PPP1R12B: variants seen among roughly 807,000 people sequenced by gnomAD.
The protein encoded by PPP1R12B is myosin phosphatase target subunit 2.
A neutral mutation model predicts 126.1 loss-of-function variants in PPP1R12B; 76 were observed. That is an observed-to-expected ratio of 0.60 (90% CI 0.50 to 0.73). The LOEUF (loss-of-function observed/expected upper bound fraction) is 0.73, where lower values mean the gene tolerates loss of function less well. PPP1R12B is among the 30% of genes least tolerant of loss of function. PPP1R12B has a pLI of 0.00. For synonymous variants in PPP1R12B, 356 were observed against 434.7 expected (o/e 0.82, Z 2.25); for missense variants, 1,052 against 1,205.1 (o/e 0.87, Z 1.88).
chr1:202,405,960 G>A (rs1404083038), intron 1 of PPP1R12B, among the ~76,000 whole-genome samples: 1 of 152,156 alleles, frequency 6.6e-6, no homozygotes, highest in African/African-American at 2.4e-5. Flanking sequence ...ATAATATTTG[G>A]TGTGCTGATT....
intron 18 of PPP1R12B, among the ~76,000 whole-genome samples, chr1:202,531,761 G>T (rs1024558242): frequency 1.3e-5 from 2 of 152,078 alleles, no homozygotes; most frequent in Non-Finnish European, 2.9e-5. Flanking sequence ...CCAAAAAATT[G>T]ATTTGAGGAC....
chr1:202,480,913 C>T (rs1435133739), intron 13 of PPP1R12B, among the ~76,000 whole-genome samples: 2 of 152,148 alleles, frequency 1.3e-5, no homozygotes, highest in Admixed American at 6.5e-5. Flanking sequence ...GAGCAGTGTT[C>T]CCCAACCTTT....
Position 202,584,349 on chromosome 1 carries a change from TTTCCC to T in PPP1R12B, c.*3795_*3799del, listed in dbSNP as rs1305209015. ...TCTCTCTTTTGCAACATTTTACCCATTTCCCTTCCCCAAACCATGTGCTTATTAGA... is the reference window on the plus strand; with the variant it reads ...TCTCTCTTTTGCAACATTTTACCCATTTCCCCAAACCATGTGCTTATTAGA... On this transcript the variant is annotated 3_prime_UTR_variant, in exon 24 of 24. Transcript: ENST00000608999. 1 of 152,236 alleles carries T rather than the reference TTTCCC, an allele frequency of 6.6e-6. No homozygotes were observed. The highest frequency in any genetic ancestry group is 1.9e-4 in the East Asian group (1 of 5,202). The allele number at this position is 152,236 out of a possible 1,614,324, so 9.4% of individuals were successfully genotyped here. A position where few individuals can be genotyped will look rare whatever the true frequency, so the allele number is the denominator to read the frequency against.
intron 18 of PPP1R12B, chr1:202,502,002 A>G (rs1200709664): frequency 1.0e-6 from 1 of 985,540 alleles, no homozygotes; most frequent in East Asian, 1.1e-4. Context: ...TGTCCTTGAC[A>G]TAGGTGGGTA....
intron 1 of PPP1R12B, among the ~76,000 whole-genome samples, chr1:202,400,360 G>T (rs1665644627): frequency 6.6e-6 from 1 of 152,182 alleles, no homozygotes; most frequent in African/African-American, 2.4e-5. Flanking sequence ...TGCATACAAG[G>T]AGTCTTGCTG....
At chr1:202,575,434 C>T (rs1218907478) in intron 23 of PPP1R12B, 7 of 347,994 alleles carry the variant, frequency 2.0e-5, no homozygotes, top group Non-Finnish European at 3.2e-5. Context: ...TGAATTTGTT[C>T]ACTCAGCTAC....
At chr1:202,440,629 C>G (rs1671481079) in intron 10 of PPP1R12B, 77 bp from the exon 11 acceptor site, 2 of 1,078,220 alleles carry the variant, frequency 1.9e-6, no homozygotes, top group African/African-American at 1.6e-5. Context: ...ATATTAAGTT[C>G]TGCTTTTTTA....
chr1:202,442,439 TTCTACAGAGAA>T lies in PPP1R12B; in HGVS notation c.1542-5_1547del, dbSNP rs1466762292. 1 of 1,609,138 alleles carries T rather than the reference TTCTACAGAGAA, an allele frequency of 6.2e-7. No individual in the cohort carries two copies. The highest frequency in any genetic ancestry group is 1.3e-5 in the African/African-American group (1 of 74,660). ...TCAGTGTTTTGTTTTCCTTTCATGC[TTCTACAGAGAA>T]TCAGCTGTTAATCTAGTGAGGAGTG... On this transcript the variant is annotated splice_acceptor_variant and splice_polypyrimidine_tract_variant and coding_sequence_variant and intron_variant, in exon 12 of 24. Transcript: ENST00000608999. LOFTEE classifies it high-confidence loss of function.
chr1:202,350,681 C>T (rs1300047894), intron 1 of PPP1R12B, among the ~76,000 whole-genome samples: 1 of 150,500 alleles, frequency 6.6e-6, no homozygotes, highest in Non-Finnish European at 1.5e-5. Context: ...AGTGCAATGG[C>T]GAGATCTTGG....
At chr1:202,436,202 G>A (rs910032968) in intron 9 of PPP1R12B, among the ~76,000 whole-genome samples, 3 of 152,204 alleles carry the variant, frequency 2.0e-5, no homozygotes, top group East Asian at 1.9e-4. Flanking sequence ...GGAGGTCAAG[G>A]CTGTAGTGAG....
chr1:202,512,184 C>T (rs946028679), intron 18 of PPP1R12B, among the ~76,000 whole-genome samples: 20 of 152,202 alleles, frequency 1.3e-4, no homozygotes, highest in African/African-American at 4.3e-4. Flanking sequence ...TTCCATGATA[C>T]ATATACAGAC....
intron 18 of PPP1R12B, among the ~76,000 whole-genome samples, chr1:202,507,913 G>A (rs1454490379): frequency 6.6e-6 from 1 of 152,176 alleles, no homozygotes; most frequent in Non-Finnish European, 1.5e-5. Flanking sequence ...CCATGATTGA[G>A]GTAGAAAGCT....
At chr1:202,389,174 C>G (rs533405219) in intron 1 of PPP1R12B, among the ~76,000 whole-genome samples, 1 of 152,072 alleles carries the variant, frequency 6.6e-6, no homozygotes, top group African/African-American at 2.4e-5. Flanking sequence ...ATTTTTATAA[C>G]TAGGAAGCAA....
intron 8 of PPP1R12B, among the ~76,000 whole-genome samples, chr1:202,433,596 A>T (rs901707551): frequency 1.3e-5 from 2 of 152,212 alleles, no homozygotes; most frequent in Admixed American, 1.3e-4. Context: ...TGGACTGCTT[A>T]ATTTCCTCAA....
At chr1:202,504,480 T>C (rs1437912459) in intron 18 of PPP1R12B, among the ~76,000 whole-genome samples, 1 of 152,192 alleles carries the variant, frequency 6.6e-6, no homozygotes, top group Non-Finnish European at 1.5e-5. Flanking sequence ...ATTTGATTTC[T>C]CTGGGGTGGC....
At chr1:202,464,497 G>A (rs1449931005) in intron 13 of PPP1R12B, among the ~76,000 whole-genome samples, 2 of 152,126 alleles carry the variant, frequency 1.3e-5, no homozygotes, top group Non-Finnish European at 1.5e-5. Flanking sequence ...AGGGAATGCA[G>A]ATTTTTTTTG....
At chr1:202,475,121 G>A (rs1462954081) in intron 13 of PPP1R12B, among the ~76,000 whole-genome samples, 1 of 152,108 alleles carries the variant, frequency 6.6e-6, no homozygotes, top group African/African-American at 2.4e-5. Context: ...AGTAATTAAT[G>A]GCAGAGCTAA....
chr1:202,384,917 A>G (rs1404459606), intron 1 of PPP1R12B, among the ~76,000 whole-genome samples: 1 of 152,218 alleles, frequency 6.6e-6, no homozygotes, highest in African/African-American at 2.4e-5. Context: ...TGTGTAGGAA[A>G]GCTCTACATT....
chr1:202,581,932 A>C lies in PPP1R12B; in HGVS notation c.*1372A>C. On this transcript the variant is annotated 3_prime_UTR_variant, in exon 24 of 24. Transcript: ENST00000608999. ...GCAAGACCCAGAGGTCATTAGGTCC[A>C]GCTTTCTATTATTGTGTCACAGGGA... The C allele has an allele frequency of 6.6e-6, 1 of 152,232 alleles. No individual in the cohort carries two copies. The highest frequency in any genetic ancestry group is 1.9e-4 in the East Asian group (1 of 5,200). 9.4% of individuals were successfully genotyped at this position (152,232 alleles called of 1,614,324 possible).
Sources: allele counts gnomAD v4.1 joint callset (sites outside exome capture counted in the v4.1 genomes callset), GRCh38; gene constraint gnomAD v4.1.1; transcripts MANE v1.5; gene names NCBI Gene and HGNC (gene_info 2026-07-23, HGNC 2026-07-21).